GALNT17: variants seen among roughly 807,000 people sequenced by gnomAD.
GALNT17 encodes the protein polypeptide N-acetylgalactosaminyltransferase 17.
A neutral mutation model predicts 63.7 loss-of-function variants in GALNT17; 29 were observed. That is an observed-to-expected ratio of 0.46 (90% CI 0.34 to 0.62). The LOEUF is 0.62. Among genes scored for constraint, GALNT17 ranks in the 20% least tolerant of loss-of-function variants. The pLI is 0.01. For missense variants in GALNT17, 603 were observed against 799.6 expected, an observed-to-expected ratio of 0.75 and a Z score of 2.97; for synonymous variants, 305 against 318.3, an observed-to-expected ratio of 0.96 and a Z score of 0.45.
At chr7:71,265,118 A>ATATATATATATATTTTTT (rs1390488895) in intron 1 of GALNT17, among the ~76,000 whole-genome samples, 1 of 37,460 alleles carries the variant, frequency 2.7e-5, no homozygotes, top group African/African-American at 6.9e-5. Context: ...ATATATATAT[A>ATATATATATATATTTTTT]TTTTTTTTTT....
intron 1 of GALNT17, among the ~76,000 whole-genome samples, chr7:71,294,826 T>C (rs1449662867): frequency 6.6e-6 from 1 of 152,250 alleles, no homozygotes; most frequent in African/African-American, 2.4e-5. Flanking sequence ...TTTAAAGATG[T>C]AAAACTGGAA....
At chr7:71,145,144 A>C (rs190643631) in intron 1 of GALNT17, among the ~76,000 whole-genome samples, 75 of 152,264 alleles carry the variant, frequency 4.9e-4, no homozygotes, top group Non-Finnish European at 9.0e-4. Context: ...TTCTTTGGTG[A>C]GTCAGCTTCT....
intron 5 of GALNT17, among the ~76,000 whole-genome samples, chr7:71,555,934 G>A (rs1045565751): frequency 6.6e-6 from 1 of 152,226 alleles, no homozygotes; most frequent in African/African-American, 2.4e-5. Context: ...GTTAACGTCA[G>A]GAATCTATTT....
intron 1 of GALNT17, among the ~76,000 whole-genome samples, chr7:71,294,722 A>G (rs1343881814): frequency 1.3e-5 from 2 of 152,146 alleles, no homozygotes; most frequent in African/African-American, 4.8e-5. Context: ...GCCATATCTC[A>G]TAAATCCTGT....
intron 5 of GALNT17, among the ~76,000 whole-genome samples, chr7:71,531,067 T>C (rs1347168276): frequency 1.3e-5 from 2 of 152,294 alleles, no homozygotes; most frequent in Middle Eastern, 6.8e-3. Flanking sequence ...TTACTTTATA[T>C]CAAAATGTAT....
At chr7:71,156,610 C>G (rs573890923) in intron 1 of GALNT17, among the ~76,000 whole-genome samples, 58 of 149,890 alleles carry the variant, frequency 3.9e-4, no homozygotes, top group Admixed American at 3.3e-4. Context: ...TCCTTCCTTC[C>G]TTCCTTCCTC....
intron 1 of GALNT17, among the ~76,000 whole-genome samples, chr7:71,136,480 T>C (rs538474546): frequency 1.2e-4 from 19 of 152,156 alleles, no homozygotes; most frequent in African/African-American, 4.6e-4. Flanking sequence ...CTCTACCTCC[T>C]CCTGGCTTCC....
At chr7:71,223,936 T>C (rs538551463) in intron 1 of GALNT17, among the ~76,000 whole-genome samples, 1 of 152,372 alleles carries the variant, frequency 6.6e-6, no homozygotes, top group African/African-American at 2.4e-5. Context: ...GGTATATATA[T>C]ACCACATTTT....
At chr7:71,635,901 G>T (rs1790523275) in intron 6 of GALNT17, among the ~76,000 whole-genome samples, 1 of 152,122 alleles carries the variant, frequency 6.6e-6, no homozygotes, top group Non-Finnish European at 1.5e-5. Context: ...TCACCATCTT[G>T]GTTTTGGTGT....
chr7:71,320,525 A>G (rs1468246172), intron 1 of GALNT17, among the ~76,000 whole-genome samples: 2 of 152,112 alleles, frequency 1.3e-5, no homozygotes, highest in Admixed American at 6.5e-5. Context: ...CACTGGGATT[A>G]CAGATGTGAG....
At chr7:71,239,020 GA>G (rs1486387128) in intron 1 of GALNT17, among the ~76,000 whole-genome samples, 1 of 152,160 alleles carries the variant, frequency 6.6e-6, no homozygotes, top group Admixed American at 6.5e-5. Context: ...ATCTGGAGGA[GA>G]ATTCCCCCTT....
At chr7:71,650,232 A>G (rs1790735084) in intron 6 of GALNT17, among the ~76,000 whole-genome samples, 1 of 152,220 alleles carries the variant, frequency 6.6e-6, no homozygotes, top group African/African-American at 2.4e-5. Context: ...CTTTTGGGCC[A>G]TATGACATCA....
intron 5 of GALNT17, among the ~76,000 whole-genome samples, chr7:71,485,987 C>G (rs1195387759): frequency 6.6e-6 from 1 of 152,150 alleles, no homozygotes; most frequent in Non-Finnish European, 1.5e-5. Context: ...ACAAATAAAG[C>G]TCCAGCTACC....
intron 9 of GALNT17, among the ~76,000 whole-genome samples, chr7:71,705,501 G>A (rs1174323801): frequency 2.0e-5 from 3 of 152,140 alleles, no homozygotes; most frequent in Admixed American, 2.0e-4. Context: ...GCCCAAGGAT[G>A]AGTAATTCTA....
chr7:71,699,632 C>T (rs180727637), intron 9 of GALNT17, among the ~76,000 whole-genome samples: 4 of 152,162 alleles, frequency 2.6e-5, no homozygotes, highest in African/African-American at 7.2e-5. Context: ...GATCAAAATG[C>T]GTTATTAAAG....
At chr7:71,683,301 A>T (rs1174812348) in intron 9 of GALNT17, among the ~76,000 whole-genome samples, 1 of 151,998 alleles carries the variant, frequency 6.6e-6, no homozygotes, top group African/African-American at 2.4e-5. Flanking sequence ...CTACTCACTC[A>T]TCAAAGCTCC....
intron 1 of GALNT17, among the ~76,000 whole-genome samples, chr7:71,179,040 T>A (rs57060777): frequency 0.061 from 9,350 of 152,172 alleles, 434 homozygotes; most frequent in African/African-American, 0.13. Context: ...TTGGCTGGGC[T>A]CAGACTTCAA....
chr7:71,156,924 T>G (rs1310623370), intron 1 of GALNT17, among the ~76,000 whole-genome samples: 2 of 151,406 alleles, frequency 1.3e-5, no homozygotes, highest in Non-Finnish European at 2.9e-5. Flanking sequence ...CATTTTAATT[T>G]TCTTAATATA....
intron 1 of GALNT17, among the ~76,000 whole-genome samples, chr7:71,259,664 C>T (rs1306587600): frequency 2.9e-5 from 3 of 104,110 alleles, no homozygotes; most frequent in Non-Finnish European, 6.3e-5. Context: ...TTTTTTGAGA[C>T]GGAGTCTTGC....
Sources: gnomAD v4.1 joint callset for allele counts (sites outside exome capture counted in the v4.1 genomes callset) on GRCh38, gnomAD v4.1.1 for gene constraint, MANE v1.5 for transcripts, NCBI Gene and HGNC (gene_info 2026-07-23, HGNC 2026-07-21) for gene names.